Variants in DPYD observed in about 807,000 individuals in gnomAD.
DPYD encodes dihydropyrimidine dehydrogenase, also known as dihydropyrimidine dehydrogenase [NADP(+)].
In DPYD, 109 loss-of-function variants were observed where a neutral mutation model predicts 116.2. The ratio of observed to expected loss-of-function variants is 0.94; its 90% confidence interval spans 0.80 to 1.10. The LOEUF is 1.10. DPYD is among the 50% of genes least tolerant of loss of function. DPYD has a pLI of 0.00. For missense variants in DPYD, 1,302 were observed against 1,254.5 expected, an observed-to-expected ratio of 1.04 and a Z score of -0.57; for synonymous variants, 440 against 432.0, an observed-to-expected ratio of 1.02 and a Z score of -0.23.
intron 8 of DPYD, among the ~76,000 whole-genome samples, chr1:97,595,682 G>A (rs1015421208): frequency 4.0e-5 from 6 of 151,444 alleles, no homozygotes; most frequent in African/African-American, 1.2e-4. Context: ...GAATTAAAAC[G>A]AAAATTATTA....
intron 8 of DPYD, among the ~76,000 whole-genome samples, chr1:97,665,666 G>A (rs1659515799): frequency 6.6e-6 from 1 of 152,084 alleles, no homozygotes; most frequent in Admixed American, 6.5e-5. Context: ...TTCTTATTCA[G>A]TATTCAGATG....
At chr1:97,089,584 C>T (rs1208949196) in intron 21 of DPYD, among the ~76,000 whole-genome samples, 1 of 152,252 alleles carries the variant, frequency 6.6e-6, no homozygotes, top group Non-Finnish European at 1.5e-5. Flanking sequence ...CATTCTTTCC[C>T]ATCAGCCTTC....
At chr1:97,636,624 A>G (rs978786276) in intron 8 of DPYD, among the ~76,000 whole-genome samples, 2 of 152,178 alleles carry the variant, frequency 1.3e-5, no homozygotes, top group Admixed American at 6.6e-5. Flanking sequence ...GTGAATTATC[A>G]TTTTTATAAT....
At chr1:97,681,469 T>A (rs770180338) in intron 7 of DPYD, among the ~76,000 whole-genome samples, 3 of 152,246 alleles carry the variant, frequency 2.0e-5, no homozygotes, top group African/African-American at 4.8e-5. Flanking sequence ...TTGGCAGATA[T>A]GGTAACTGTC....
intron 3 of DPYD, among the ~76,000 whole-genome samples, chr1:97,757,195 T>A (rs1355525786): frequency 1.3e-5 from 2 of 152,170 alleles, no homozygotes; most frequent in Non-Finnish European, 1.5e-5. Flanking sequence ...TTTCTGTAAC[T>A]CAGAATTAAA....
intron 20 of DPYD, among the ~76,000 whole-genome samples, chr1:97,126,850 A>G (rs1416198096): frequency 1.3e-5 from 2 of 152,178 alleles, no homozygotes; most frequent in Non-Finnish European, 2.9e-5. Context: ...TTCCCTGGGA[A>G]CAGCATCTTG....
chr1:97,843,568 TTTTC>T (rs1670141298), intron 2 of DPYD, among the ~76,000 whole-genome samples: 1 of 152,160 alleles, frequency 6.6e-6, no homozygotes, highest in Non-Finnish European at 1.5e-5. Context: ...GTGAACTTGG[TTTTC>T]TTTAACACTT....
intron 13 of DPYD, among the ~76,000 whole-genome samples, chr1:97,514,031 G>C (rs187401644): frequency 1.1e-4 from 17 of 151,768 alleles, no homozygotes; most frequent in Admixed American, 7.2e-4. Context: ...AGTAAAATAG[G>C]GTTTCCAAAA....
At chr1:97,844,312 C>A (rs1343280434) in intron 2 of DPYD, among the ~76,000 whole-genome samples, 2 of 152,150 alleles carry the variant, frequency 1.3e-5, no homozygotes, top group Non-Finnish European at 2.9e-5. Flanking sequence ...TTTTTGTATG[C>A]TGATGAGATG....
At chr1:97,543,302 C>T (rs930652825) in intron 12 of DPYD, among the ~76,000 whole-genome samples, 3 of 152,026 alleles carry the variant, frequency 2.0e-5, no homozygotes, top group African/African-American at 7.3e-5. Context: ...CATTGTGGTA[C>T]CCTCCCGAAG....
chr1:97,558,161 T>G (rs912046880), intron 11 of DPYD, among the ~76,000 whole-genome samples: 2 of 152,104 alleles, frequency 1.3e-5, no homozygotes, highest in African/African-American at 4.8e-5. Flanking sequence ...CAATGAAACC[T>G]TTTTCCCCCC....
intron 2 of DPYD, among the ~76,000 whole-genome samples, chr1:97,844,152 GA>G (rs1196025728): frequency 6.6e-6 from 1 of 152,134 alleles, no homozygotes; most frequent in Non-Finnish European, 1.5e-5. Flanking sequence ...ATGGTAGAAG[GA>G]AAAATAGGAG....
chr1:97,920,205 TA>T (rs1007729271), intron 1 of DPYD, among the ~76,000 whole-genome samples: 1 of 152,064 alleles, frequency 6.6e-6, no homozygotes, highest in African/African-American at 2.4e-5. Context: ...TCGTTTCAGG[TA>T]GGACCTTATT....
chr1:97,100,573 G>C (rs1487515812), intron 20 of DPYD, among the ~76,000 whole-genome samples: 1 of 152,036 alleles, frequency 6.6e-6, no homozygotes, highest in East Asian at 1.9e-4. Flanking sequence ...ATGGTTCTCT[G>C]TTTGGACTTT....
At chr1:97,566,547 CA>C (rs34449409) in intron 11 of DPYD, among the ~76,000 whole-genome samples, 1 of 152,120 alleles carries the variant, frequency 6.6e-6, no homozygotes, top group Admixed American at 6.5e-5. Context: ...TGCCATTAGT[CA>C]AAAAGGTATC....
At chr1:97,614,363 A>G (rs1433868828) in intron 8 of DPYD, among the ~76,000 whole-genome samples, 2 of 152,082 alleles carry the variant, frequency 1.3e-5, no homozygotes, top group African/African-American at 2.4e-5. Flanking sequence ...TTTTCAGTAG[A>G]TCAAGTGTTG....
At chr1:97,547,670 C>T (rs1043636004) in intron 12 of DPYD, among the ~76,000 whole-genome samples, 6 of 150,546 alleles carry the variant, frequency 4.0e-5, no homozygotes, top group African/African-American at 1.5e-4. Context: ...CTTTCTCTCT[C>T]GTTGTTTTGT....
At chr1:97,581,745 CAAAAA>C (rs1226325704) in intron 10 of DPYD, among the ~76,000 whole-genome samples, 1 of 63,566 alleles carries the variant, frequency 1.6e-5, no homozygotes, top group Non-Finnish European at 3.2e-5. Flanking sequence ...GATCCTGTCT[CAAAAA>C]AAAAAAAAAA....
At chr1:97,086,889 A>C (rs1290669808) in intron 21 of DPYD, among the ~76,000 whole-genome samples, 1 of 152,220 alleles carries the variant, frequency 6.6e-6, no homozygotes, top group African/African-American at 2.4e-5. Context: ...CTTCTAACCC[A>C]AAAACATTCA....
Sources: allele counts gnomAD v4.1 joint callset (sites outside exome capture counted in the v4.1 genomes callset), GRCh38; gene constraint gnomAD v4.1.1; transcripts MANE v1.5; gene names NCBI Gene and HGNC (gene_info 2026-07-23, HGNC 2026-07-21).